The following DPP10 variants were observed in gnomAD, a reference collection of about 807,000 sequenced individuals.
DPP10 encodes inactive dipeptidyl peptidase 10.
A neutral mutation model predicts 120.9 loss-of-function variants in DPP10; 33 were observed. That is an observed-to-expected ratio of 0.27 (90% CI 0.21 to 0.37). The LOEUF (loss-of-function observed/expected upper bound fraction) is 0.37. Ranked by LOEUF, DPP10 falls within the 10% of genes least tolerant of loss-of-function variation. The probability of loss-of-function intolerance (pLI) is 1.00; values close to 1 mark genes in which losing one functional copy is unlikely to be tolerated. For missense variants in DPP10, 816 were observed against 942.8 expected (o/e 0.87, Z 1.76); for synonymous variants, 337 against 326.1 (o/e 1.03, Z -0.36).
intron 1 of DPP10, among the ~76,000 whole-genome samples, chr2:115,211,420 G>C (rs2056505142): frequency 6.6e-6 from 1 of 151,962 alleles, no homozygotes; most frequent in African/African-American, 2.4e-5. Flanking sequence ...AATTGCCATT[G>C]GTTACTTCTT....
intron 3 of DPP10, among the ~76,000 whole-genome samples, chr2:115,465,693 C>T (rs985554872): frequency 2.6e-5 from 4 of 151,922 alleles, no homozygotes; most frequent in Non-Finnish European, 5.9e-5. Flanking sequence ...GGTGGTGGCG[C>T]ATATCTGTAG....
intron 3 of DPP10, among the ~76,000 whole-genome samples, chr2:115,485,268 C>T (rs2075704515): frequency 1.3e-5 from 2 of 148,350 alleles, no homozygotes; most frequent in South Asian, 4.3e-4. Context: ...AAACAAAAAC[C>T]TTAAAGCCTA....
intron 1 of DPP10, among the ~76,000 whole-genome samples, chr2:115,010,797 G>A (rs1702208515): frequency 6.6e-6 from 1 of 152,056 alleles, no homozygotes; most frequent in Admixed American, 6.5e-5. Flanking sequence ...ATTTTTCACA[G>A]TCCCTCAGTA....
intron 1 of DPP10, among the ~76,000 whole-genome samples, chr2:114,814,485 A>T (rs548217243): frequency 6.6e-6 from 1 of 152,208 alleles, no homozygotes; most frequent in East Asian, 1.9e-4. Flanking sequence ...AGTAACAATA[A>T]GTATCTGGAA....
intron 1 of DPP10, among the ~76,000 whole-genome samples, chr2:115,249,163 C>A (rs886117827): frequency 6.6e-6 from 1 of 151,900 alleles, no homozygotes; most frequent in Non-Finnish European, 1.5e-5. Context: ...TGCACTGTGG[C>A]GATACACAGA....
At chr2:115,461,305 G>A (rs1408289424) in intron 3 of DPP10, among the ~76,000 whole-genome samples, 2 of 152,074 alleles carry the variant, frequency 1.3e-5, no homozygotes, top group Non-Finnish European at 1.5e-5. Flanking sequence ...TTATATGCTT[G>A]TATATATTTG....
chr2:114,702,182 T>G (rs1195388333), intron 1 of DPP10, among the ~76,000 whole-genome samples: 2 of 152,176 alleles, frequency 1.3e-5, no homozygotes, highest in Non-Finnish European at 2.9e-5. Flanking sequence ...GAATTTGACC[T>G]AATTTGTTGT....
At chr2:115,692,619 A>G (rs2091379078) in intron 7 of DPP10, among the ~76,000 whole-genome samples, 9 of 152,042 alleles carry the variant, frequency 5.9e-5, no homozygotes. Flanking sequence ...CTTTTAACGT[A>G]GTTTAGAATC....
rs185398235 is a variant in DPP10, at chr2:115,225,239, G to A, written c.61-84000G>A. 1.3e-3 allele frequency among the ~76,000 whole-genome samples: 196 copies of A among 152,130 alleles called. 1 individual carries two copies. The highest frequency in any genetic ancestry group is 2.4e-3 in the Non-Finnish European group (163 of 67,998). Reference sequence around the variant, plus strand: ...TGCAGAGGAGAGGTCATGATAGCTCGCTCCAAGAGGGAAGATTAGAGATGG... The same window carrying A: ...TGCAGAGGAGAGGTCATGATAGCTCACTCCAAGAGGGAAGATTAGAGATGG... On this transcript the variant is annotated intron_variant, in intron 1 of 25. Coordinates refer to ENST00000410059, the MANE Select transcript of DPP10 (RefSeq NM_020868.6).
chr2:115,183,857 AAGG>A (rs1188950857), intron 1 of DPP10, among the ~76,000 whole-genome samples: 1 of 152,150 alleles, frequency 6.6e-6, no homozygotes, highest in African/African-American at 2.4e-5. Context: ...AAGAGCAAGC[AAGG>A]AGGAGGGGAA....
At chr2:115,380,831 T>G (rs996179078) in intron 3 of DPP10, among the ~76,000 whole-genome samples, 3 of 152,340 alleles carry the variant, frequency 2.0e-5, no homozygotes, top group African/African-American at 7.2e-5. Flanking sequence ...TGGCTTGATA[T>G]GAAATTCTGG....
intron 1 of DPP10, among the ~76,000 whole-genome samples, chr2:114,689,054 T>TCTAA (rs1197233687): frequency 6.6e-6 from 1 of 151,810 alleles, no homozygotes; most frequent in East Asian, 1.9e-4. Flanking sequence ...TTTGTTTTTT[T>TCTAA]TTAATTTCTA....
chr2:115,030,468 G>A (rs947528483), intron 1 of DPP10, among the ~76,000 whole-genome samples: 10 of 152,066 alleles, frequency 6.6e-5, no homozygotes, highest in African/African-American at 2.4e-4. Context: ...CATGTAAGGA[G>A]TGATTTTCTT....
At chr2:115,813,874 G>A (rs1419114047) in intron 19 of DPP10, among the ~76,000 whole-genome samples, 1 of 152,256 alleles carries the variant, frequency 6.6e-6, no homozygotes, top group Non-Finnish European at 1.5e-5. Context: ...ATTTCTCACA[G>A]GTTGCCCAAC....
chr2:115,709,361 G>A (rs1178015388), intron 7 of DPP10, among the ~76,000 whole-genome samples: 1 of 152,086 alleles, frequency 6.6e-6, no homozygotes, highest in Non-Finnish European at 1.5e-5. Context: ...ACTCAGGCAA[G>A]TGTTTGACTG....
chr2:115,683,379 G>T (rs1348249941), intron 5 of DPP10, among the ~76,000 whole-genome samples: 3 of 151,894 alleles, frequency 2.0e-5, no homozygotes, highest in African/African-American at 4.8e-5. Context: ...CAGAATTTTG[G>T]GGGGCAATGA....
intron 3 of DPP10, among the ~76,000 whole-genome samples, chr2:115,443,944 A>G (rs754986927): frequency 2.2e-4 from 33 of 152,182 alleles, no homozygotes; most frequent in African/African-American, 5.3e-4. Context: ...AGCATCCCCC[A>G]GTAGTGACAG....
At chr2:115,829,496 T>C (rs1575923094) in intron 21 of DPP10, among the ~76,000 whole-genome samples, 1 of 152,298 alleles carries the variant, frequency 6.6e-6, no homozygotes, top group East Asian at 1.9e-4. Flanking sequence ...TTGGCTCACC[T>C]GTTCTATTAT....
chr2:115,109,322 C>T (rs545482684), intron 1 of DPP10, among the ~76,000 whole-genome samples: 300 of 152,010 alleles, frequency 2.0e-3, no homozygotes, highest in Non-Finnish European at 3.0e-3. Flanking sequence ...CAGATCACGA[C>T]GTCAGGAGAT....
Sources: gnomAD v4.1 joint callset for allele counts (sites outside exome capture counted in the v4.1 genomes callset) on GRCh38, gnomAD v4.1.1 for gene constraint, MANE v1.5 for transcripts, NCBI Gene and HGNC (gene_info 2026-07-23, HGNC 2026-07-21) for gene names.